Variants in DOCK1 observed in about 807,000 individuals in gnomAD.
The protein encoded by DOCK1 is dedicator of cytokinesis 1.
Under a neutral mutation model 262.7 loss-of-function variants are expected in DOCK1, and 138 were observed. That is an observed-to-expected ratio of 0.53 (90% CI 0.46 to 0.61). The LOEUF is 0.61. DOCK1 is among the 20% of genes least tolerant of loss of function. The pLI, the probability that DOCK1 is intolerant of heterozygous loss-of-function variation, is 0.00. For missense variants in DOCK1, 1,908 were observed against 2,370.7 expected, an observed-to-expected ratio of 0.80 and a Z score of 4.05; for synonymous variants, 866 against 867.4, an observed-to-expected ratio of 1.00 and a Z score of 0.03.
At chr10:126,917,220 G>A in intron 1 of DOCK1, among the ~76,000 whole-genome samples, 1 of 152,200 alleles carries the variant, frequency 6.6e-6, no homozygotes, top group East Asian at 1.9e-4. Flanking sequence ...GAAGCCATCC[G>A]TAATTAGCTC....
chr10:127,175,723 G>GC lies in DOCK1; in HGVS notation c.2847+47960dup, dbSNP rs1564870645. On this transcript the variant is annotated intron_variant, in intron 27 of 51. Transcript: ENST00000623213. This position sits in a 1 kb window ranked among gnomAD's most constrained non-coding sequence, Gnocchi z 6.3. ...CCCCGGTCCTGCTTGGCCCTCCCGA[G>GC]CAGCTGGTAATCGGGCTCTTCGGAT... 4.3e-6 allele frequency: 7 copies of GC among 1,614,072 alleles called. No homozygotes were observed. Among genetic ancestry groups the GC allele is most frequent in the Non-Finnish European group, 5.9e-6 (7 of 1,180,030 alleles).
At chr10:127,394,315 TC>T (rs1221696249) in intron 38 of DOCK1, among the ~76,000 whole-genome samples, 11 of 148,644 alleles carry the variant, frequency 7.4e-5, no homozygotes, top group African/African-American at 2.8e-4. Context: ...AAAATAACCT[TC>T]CCTTGACAAA....
chr10:127,387,988 G>T (rs557627948), intron 38 of DOCK1, among the ~76,000 whole-genome samples: 14 of 152,260 alleles, frequency 9.2e-5, no homozygotes, highest in African/African-American at 3.4e-4. Context: ...AGATCTGCAG[G>T]AGGCATTGTG....
chr10:127,020,105 C>T (rs1279135150), intron 13 of DOCK1, among the ~76,000 whole-genome samples: 1 of 152,170 alleles, frequency 6.6e-6, no homozygotes, highest in East Asian at 1.9e-4. Flanking sequence ...TAAATAATAG[C>T]TAGGCTTACC....
intron 23 of DOCK1, among the ~76,000 whole-genome samples, chr10:127,099,134 G>T (rs1265281993): frequency 6.6e-6 from 1 of 152,132 alleles, no homozygotes; most frequent in African/African-American, 2.4e-5. Flanking sequence ...TTTTCCCTTA[G>T]TTAAGGAGGT....
intron 32 of DOCK1, 72 bp downstream of exon 32, chr10:127,354,799 A>G: frequency 1.3e-6 from 2 of 1,585,454 alleles, no homozygotes; most frequent in Non-Finnish European, 1.7e-6. Flanking sequence ...GGCCGTGTTC[A>G]TCAGTGTTGG....
At chr10:127,188,761 C>T (rs1024390942) in intron 27 of DOCK1, among the ~76,000 whole-genome samples, 4 of 152,248 alleles carry the variant, frequency 2.6e-5, no homozygotes, top group Admixed American at 6.5e-5. Context: ...TTGTGTATAA[C>T]ACTCAGCACA....
chr10:127,368,124 G>A (rs1158338591), intron 33 of DOCK1, among the ~76,000 whole-genome samples: 1 of 152,222 alleles, frequency 6.6e-6, no homozygotes, highest in Admixed American at 6.5e-5. Flanking sequence ...CTTCACAGGG[G>A]AAGTTCCATT....
At chr10:127,221,091 A>G (rs1278056637) in intron 27 of DOCK1, among the ~76,000 whole-genome samples, 4 of 152,238 alleles carry the variant, frequency 2.6e-5, no homozygotes, top group African/African-American at 9.6e-5. Flanking sequence ...TAAACAAAAA[A>G]GTGTAACTGG....
intron 33 of DOCK1, among the ~76,000 whole-genome samples, chr10:127,364,399 G>A (rs1011471158): frequency 6.6e-6 from 1 of 151,906 alleles, no homozygotes; most frequent in Non-Finnish European, 1.5e-5. Flanking sequence ...ACGGAGTCTC[G>A]CTCTGTTGCC....
chr10:127,115,665 G>GTTTCTA (rs764691207), intron 25 of DOCK1, among the ~76,000 whole-genome samples: 3 of 152,200 alleles, frequency 2.0e-5, no homozygotes. Flanking sequence ...ACAAAATTGT[G>GTTTCTA]TAACATTAAT....
chr10:127,201,961 C>T (rs979650569), intron 27 of DOCK1, among the ~76,000 whole-genome samples: 3 of 152,132 alleles, frequency 2.0e-5, no homozygotes, highest in Non-Finnish European at 4.4e-5. Context: ...TCTCATTGAG[C>T]CTGCTGAAGC....
At chr10:126,955,187 G>A (rs993800223) in intron 1 of DOCK1, among the ~76,000 whole-genome samples, 7 of 152,164 alleles carry the variant, frequency 4.6e-5, no homozygotes, top group Non-Finnish European at 8.8e-5. Context: ...AGTCAGTGGT[G>A]CATTCTCAGC....
rs117336601 is a variant in DOCK1, at chr10:127,100,324, G to A, written c.2446-5907G>A. ...AACAGCCTGAACCGAGGGCTCTGTC[G>A]CTGCCTAGAAGGGGGCTGTGAGGAA... On this transcript the variant is annotated intron_variant, in intron 23 of 51. Coordinates refer to ENST00000623213, the MANE Select transcript of DOCK1 (RefSeq NM_001290223.2). The surrounding 1 kb of genome is among the most constrained non-coding windows in gnomAD (Gnocchi z 5.5). 4.1e-3 allele frequency among the ~76,000 whole-genome samples: 622 copies of A among 152,256 alleles called. 14 individuals are homozygous for A. The East Asian group carries it at 0.067, about 16-fold the overall frequency.
At chr10:127,235,664 G>T (rs1260994284) in intron 27 of DOCK1, among the ~76,000 whole-genome samples, 1 of 152,038 alleles carries the variant, frequency 6.6e-6, no homozygotes, top group East Asian at 1.9e-4. Context: ...GCGTGGTTGG[G>T]TCATGAGGTG....
chr10:127,215,824 A>AC (rs986234957), intron 27 of DOCK1, among the ~76,000 whole-genome samples: 11 of 150,918 alleles, frequency 7.3e-5, no homozygotes, highest in Non-Finnish European at 1.6e-4. Context: ...AGCAAACAAC[A>AC]CCCCCCCTCA....
intron 4 of DOCK1, among the ~76,000 whole-genome samples, 172 bp downstream of exon 4, chr10:126,982,145 A>G (rs191814106): frequency 1.3e-5 from 2 of 152,248 alleles, no homozygotes; most frequent in East Asian, 1.9e-4. Flanking sequence ...GTTGTGTTTA[A>G]CATGGCTTTT....
chr10:127,004,134 A>T (rs535750912), intron 10 of DOCK1, among the ~76,000 whole-genome samples: 1 of 151,398 alleles, frequency 6.6e-6, no homozygotes, highest in South Asian at 2.1e-4. Flanking sequence ...TGTGCCTGTA[A>T]TCCCAGCTAC....
At chr10:127,221,235 T>G (rs2058424817) in intron 27 of DOCK1, among the ~76,000 whole-genome samples, 1 of 152,170 alleles carries the variant, frequency 6.6e-6, no homozygotes, top group Admixed American at 6.5e-5. Context: ...TGGAGGAGCA[T>G]TTTATATTCA....
Sources: allele counts gnomAD v4.1 joint callset (sites outside exome capture counted in the v4.1 genomes callset), GRCh38; gene constraint gnomAD v4.1.1; non-coding constraint Gnocchi (gnomAD v3.1); transcripts MANE v1.5; gene names NCBI Gene and HGNC (gene_info 2026-07-23, HGNC 2026-07-21).